The following TCIRG1 variants were observed in gnomAD, a reference collection of about 807,000 sequenced individuals.
TCIRG1 encodes the protein T cell immune regulator 1, ATPase H+ transporting V0 subunit a3, also known as V-type proton ATPase 116 kDa subunit a 3.
In TCIRG1, 86 loss-of-function variants were observed where a neutral mutation model predicts 95.5. The ratio of observed to expected loss-of-function variants is 0.90; its 90% confidence interval spans 0.76 to 1.08. TCIRG1 has a LOEUF of 1.08. Among genes scored for constraint, TCIRG1 ranks in the 50% least tolerant of loss-of-function variants. The pLI, the probability that TCIRG1 is intolerant of heterozygous loss-of-function variation, is 0.00. For missense variants in TCIRG1, 1,069 were observed against 1,140.2 expected (o/e 0.94, Z 0.90); for synonymous variants, 499 against 501.3 (o/e 1.00, Z 0.06).
At position 68,043,398 on chromosome 11, in the gene TCIRG1, C is replaced by A; in HGVS notation, c.531C>A (p.His177Gln). ...TTGTGGCAGGTGCCGTGGAGCCCCACAAGGCCCCTGCCCTAGAGCGCCTGC... is the reference window on the plus strand; with the variant it reads ...TTGTGGCAGGTGCCGTGGAGCCCCAAAAGGCCCCTGCCCTAGAGCGCCTGC... Reference protein sequence around the residue: ...VNFVAGAVEPHKAPALERLLW... With the variant: ...VNFVAGAVEPQKAPALERLLW... The change falls in exon 6 of 20, where the codon CAC (histidine) becomes CAA (glutamine). Residue 177 changes from histidine to glutamine, a missense_variant. Transcript: ENST00000265686. 1 of 1,540,942 alleles carries A rather than the reference C, an allele frequency of 6.5e-7. No homozygotes were observed. Among genetic ancestry groups the A allele is most frequent in the Non-Finnish European group, 8.7e-7 (1 of 1,146,526 alleles).
Position 68,042,651 on chromosome 11 carries a change from C to A in TCIRG1, c.205C>A (p.Gln69Lys). ...CGTTCCTCTGCGCCCAGCCTTCCTG[C>A]AGGAGGAGGTGCGGCGGGCTGGGCT... ...EELEKTFTFL[Q>K]EEVRRAGLVL... Residue 69 changes from glutamine (Q) to lysine (K), a missense_variant, in exon 4 of 20, where the codon CAG becomes AAG. Transcript: ENST00000265686. 1.3e-6 allele frequency: 2 copies of A among 1,547,488 alleles called. No homozygotes were observed. Among genetic ancestry groups the A allele is most frequent in the East Asian group, 2.4e-5 (1 of 40,910 alleles).
intron 9 of TCIRG1, 189 bp from the exon 10 acceptor site, chr11:68,044,769 A>G: frequency 1.4e-6 from 1 of 712,560 alleles, no homozygotes; most frequent in Non-Finnish European, 2.3e-6. Flanking sequence ...AGCAATTGCC[A>G]ATCCATGTGG....
intron 10 of TCIRG1, chr11:68,047,126 T>C: frequency 2.6e-6 from 1 of 388,112 alleles, no homozygotes; most frequent in Non-Finnish European, 4.9e-6. Context: ...TTCTCCTGCC[T>C]CAGCCTCCTG....
intron 10 of TCIRG1, 53 bp downstream of exon 10, chr11:68,045,155 G>C: frequency 6.3e-7 from 1 of 1,596,520 alleles, no homozygotes; most frequent in Non-Finnish European, 8.5e-7. Context: ...CTGCCCCACT[G>C]GGTGGGTGTG....
intron 4 of TCIRG1, 30 bp downstream of exon 4, chr11:68,042,893 G>A: frequency 6.5e-7 from 1 of 1,550,088 alleles, no homozygotes; most frequent in Non-Finnish European, 8.7e-7. Flanking sequence ...GGAGACTGGG[G>A]GGCTGGGGAG....
At chr11:68,047,041 C>T (rs770983562) in intron 10 of TCIRG1, 46 of 370,626 alleles carry the variant, frequency 1.2e-4, no homozygotes, top group Admixed American at 2.7e-4. Context: ...ACAGAATCTT[C>T]GCTCTGTCGC....
chr11:68,051,119 G>A (rs1022987258), downstream of TCIRG1, among the ~76,000 whole-genome samples: 8 of 152,366 alleles, frequency 5.3e-5, no homozygotes, highest in African/African-American at 1.4e-4. Context: ...GGTCAGGGGA[G>A]TGAGCTCCCC....
downstream of TCIRG1, among the ~76,000 whole-genome samples, chr11:68,051,517 C>G (rs1855795342): frequency 1.3e-5 from 2 of 152,216 alleles, no homozygotes; most frequent in South Asian, 4.1e-4. Flanking sequence ...GGTCCCACCC[C>G]CACTGGGAGG....
Position 68,050,574 on chromosome 11 carries a change from C to G in TCIRG1, c.2324C>G (p.Pro775Arg). ...GGCGTGGCGGCTGTGGTGCTGGTCC[C>G]CATCTTTGCCGCCTTTGCCGTGATG... The part of the protein sequence containing the change: ...EVGVAAVVLV[P>R]IFAAFAVMTV... The change falls in exon 19 of 20, where the codon CCC becomes CGC. Residue 775 changes from proline to arginine, a missense_variant. Physicochemically the swap from Pro to Arg is moderately radical, Grantham distance 103 (BLOSUM62 -2). Transcript: ENST00000265686. The G allele has an allele frequency of 6.2e-7, 1 of 1,613,668 alleles. No individual in the cohort carries two copies. The highest frequency in any genetic ancestry group is 8.5e-7 in the Non-Finnish European group (1 of 1,180,030).
intron 2 of TCIRG1, 75 bp downstream of exon 2, chr11:68,041,463 GC>G (rs34506126): frequency 3.8e-5 from 42 of 1,097,310 alleles, no homozygotes; most frequent in Non-Finnish European, 4.9e-5. Context: ...GATGGGGACT[GC>G]CCCCCCTCCG....
intron 10 of TCIRG1, 65 bp downstream of exon 10, chr11:68,045,167 G>A: frequency 2.5e-6 from 4 of 1,586,526 alleles, no homozygotes; most frequent in Non-Finnish European, 3.4e-6. Flanking sequence ...GTGGGTGTGA[G>A]CCTGAGGGGG....
intron 5 of TCIRG1, 89 bp downstream of exon 5, chr11:68,043,120 T>G (rs1452284977): frequency 1.3e-6 from 2 of 1,544,848 alleles, no homozygotes; most frequent in Admixed American, 3.9e-5. Context: ...TCCGACTCCT[T>G]GTCCAGTGCT....
At position 68,044,978 on chromosome 11, in the gene TCIRG1, C is replaced by T. The variant is rs780424799; in HGVS notation, c.1041C>T (p.Ala347=). The change falls in exon 10 of 20, where the codon GCC becomes GCT. Residue 347 remains alanine (A), a synonymous_variant. Transcript: ENST00000265686. Reference sequence around the variant, plus strand: ...CCCAGATGGAGGAGGGAGTGAGTGCCGTGGCTCACCGCATCCCCTGCCGGG... The same window carrying T: ...CCCAGATGGAGGAGGGAGTGAGTGCTGTGGCTCACCGCATCCCCTGCCGGG... ...RDSSMEEGVS[A]VAHRIPCRDM... is the part of the protein sequence containing the mutation. The T allele has an allele frequency of 1.1e-5, 18 of 1,608,430 alleles. No homozygotes were observed. The highest frequency in any genetic ancestry group is 5.3e-5 in the African/African-American group (4 of 75,070).
chr11:68,053,569 G>A (rs3794186), downstream of TCIRG1: 14,710 of 178,460 alleles, frequency 0.082, 695 homozygotes, highest in East Asian at 0.16. Flanking sequence ...ATAACACATC[G>A]CCATCTACAA....
downstream of TCIRG1, among the ~76,000 whole-genome samples, chr11:68,051,928 G>A (rs1418834186): frequency 6.6e-6 from 1 of 152,154 alleles, no homozygotes; most frequent in Non-Finnish European, 1.5e-5. Flanking sequence ...GGTGCAGTGT[G>A]GGATCCCAGG....
rs749459043 is a variant in TCIRG1 at position 68,049,180 on chromosome 11, G to A, written c.1773G>A (p.Lys591=). 6.2e-7 allele frequency: 1 copy of A among 1,613,982 alleles called. No homozygotes were observed. The highest frequency in any genetic ancestry group is 8.5e-7 in the Non-Finnish European group (1 of 1,180,016). ...ACCTCGTGTTCCTAGTCATCTACAA[G>A]TGGCTGTGTGTCTGGGCTGCCAGGG... The part of the protein sequence containing the change: ...FGYLVFLVIY[K]WLCVWAARAA... Residue 591 remains lysine, a synonymous_variant, in exon 15 of 20, where the codon AAG becomes AAA. Coordinates refer to ENST00000265686, the MANE Select transcript of TCIRG1 (RefSeq NM_006019.4).
At chr11:68,041,179 G>A in intron 1 of TCIRG1, 89 bp from the exon 2 acceptor site, 2 of 887,598 alleles carry the variant, frequency 2.3e-6, no homozygotes, top group Non-Finnish European at 3.8e-6. Context: ...CAGCTTCCAG[G>A]ATTCAGTGAG....
rs1241903068 is a variant in TCIRG1, at chr11:68,049,304, G to A, written c.1887+10G>A. The A allele has an allele frequency of 8.1e-6, 13 of 1,602,246 alleles. No individual in the cohort carries two copies. Among genetic ancestry groups the A allele is most frequent in the South Asian group, 4.4e-5 (4 of 90,652 alleles). ...GCTCTACCCCCGGCAGGTGGGCTGCGGCTGGTGGGGGCCGGGCTCACACGG... is the reference window on the plus strand; with the variant it reads ...GCTCTACCCCCGGCAGGTGGGCTGCAGCTGGTGGGGGCCGGGCTCACACGG... On this transcript the variant is annotated intron_variant, in intron 15 of 19. Transcript: ENST00000265686.
At position 68,041,313 on chromosome 11, in the gene TCIRG1, G is replaced by C; in HGVS notation, c.42G>C (p.Gln14His). The C allele has an allele frequency of 6.2e-7, 1 of 1,613,218 alleles. No homozygotes were observed. The highest frequency in any genetic ancestry group is 8.5e-7 in the Non-Finnish European group (1 of 1,179,958). ...MFRSEEVALV[Q>H]LFLPTAAAYT... ...GGAGCGAGGAGGTGGCCCTGGTCCAGCTCTTTCTGCCCACAGCGGCTGCCT... is the reference window on the plus strand; with the variant it reads ...GGAGCGAGGAGGTGGCCCTGGTCCACCTCTTTCTGCCCACAGCGGCTGCCT... Residue 14 changes from glutamine to histidine, a missense_variant, in exon 2 of 20, where the codon CAG (glutamine) becomes CAC (histidine). Physicochemically the swap from Gln to His is conservative, Grantham distance 24 (BLOSUM62 0). Coordinates refer to ENST00000265686, the MANE Select transcript of TCIRG1 (RefSeq NM_006019.4).
Sources: gnomAD v4.1 joint callset for allele counts (sites outside exome capture counted in the v4.1 genomes callset) on GRCh38, gnomAD v4.1.1 for gene constraint, MANE v1.5 for transcripts, NCBI Gene and HGNC (gene_info 2026-07-23, HGNC 2026-07-21) for gene names.